SYT1: variants seen among roughly 807,000 people sequenced by gnomAD.
SYT1 encodes the protein synaptotagmin 1.
A neutral mutation model predicts 44.8 loss-of-function variants in SYT1; 8 were observed. The ratio of observed to expected loss-of-function variants is 0.18; its 90% confidence interval spans 0.10 to 0.32. The LOEUF (loss-of-function observed/expected upper bound fraction) is 0.32. Among genes scored for constraint, SYT1 ranks in the 10% least tolerant of loss-of-function variants. SYT1 has a pLI of 1.00. For missense variants in SYT1, 286 were observed against 509.3 expected (o/e 0.56, Z 4.22); for synonymous variants, 154 against 188.8 (o/e 0.82, Z 1.51).
chr12:78,995,305 C>T (rs1157659770), intron 2 of SYT1, among the ~76,000 whole-genome samples: 1 of 152,154 alleles, frequency 6.6e-6, no homozygotes, highest in Non-Finnish European at 1.5e-5. Flanking sequence ...TTTAGAAACC[C>T]ATTGTGGTGA....
At chr12:79,139,138 A>G (rs1470856316) in intron 3 of SYT1, among the ~76,000 whole-genome samples, 1 of 152,148 alleles carries the variant, frequency 6.6e-6, no homozygotes, top group Non-Finnish European at 1.5e-5. Context: ...CTGCGTCCTT[A>G]GTCGCAGGCC....
At chr12:79,267,206 C>G (rs535958058) in intron 4 of SYT1, among the ~76,000 whole-genome samples, 1 of 152,204 alleles carries the variant, frequency 6.6e-6, no homozygotes, top group South Asian at 2.1e-4. Flanking sequence ...TATATCTGCC[C>G]CTTTAGCTGA....
chr12:79,054,339 A>ATC (rs1874769176), intron 3 of SYT1, among the ~76,000 whole-genome samples: 1 of 152,034 alleles, frequency 6.6e-6, no homozygotes, highest in Non-Finnish European at 1.5e-5. Context: ...TGCATCATGC[A>ATC]TATTTGTCCT....
chr12:79,143,271 T>G (rs567927956), intron 3 of SYT1, among the ~76,000 whole-genome samples: 1 of 152,310 alleles, frequency 6.6e-6, no homozygotes, highest in East Asian at 1.9e-4. Context: ...TTAAATTACC[T>G]TTACAATTAT....
At chr12:79,327,302 A>G (rs1238707843) in intron 8 of SYT1, among the ~76,000 whole-genome samples, 2 of 152,188 alleles carry the variant, frequency 1.3e-5, no homozygotes, top group Admixed American at 1.3e-4. Context: ...ATTGTTTAGT[A>G]TCCACAGCAA....
intron 1 of SYT1, among the ~76,000 whole-genome samples, chr12:78,934,268 C>G (rs1877928782): frequency 6.6e-6 from 1 of 151,810 alleles, no homozygotes; most frequent in Non-Finnish European, 1.5e-5. Context: ...AAGGACAGGG[C>G]CAGGTGGAGA....
chr12:79,139,494 T>C (rs1157299382), intron 3 of SYT1, among the ~76,000 whole-genome samples: 1 of 152,218 alleles, frequency 6.6e-6, no homozygotes, highest in African/African-American at 2.4e-5. Flanking sequence ...CTTATAAATA[T>C]AAAGGAGTAT....
At chr12:79,137,789 T>C (rs553381531) in intron 3 of SYT1, among the ~76,000 whole-genome samples, 41 of 152,360 alleles carry the variant, frequency 2.7e-4, no homozygotes, top group Non-Finnish European at 4.9e-4. Flanking sequence ...ATTGGTATCA[T>C]GTTAACTCTT....
chr12:79,060,903 G>A (rs1875333256), intron 3 of SYT1, among the ~76,000 whole-genome samples: 1 of 151,852 alleles, frequency 6.6e-6, no homozygotes, highest in Non-Finnish European at 1.5e-5. Flanking sequence ...AAAAATAGAT[G>A]GGCTTAAGAT....
intron 3 of SYT1, among the ~76,000 whole-genome samples, chr12:79,107,821 T>G (rs186839292): frequency 6.6e-6 from 1 of 152,040 alleles, no homozygotes; most frequent in Admixed American, 6.5e-5. Flanking sequence ...AGAAAAAAGC[T>G]AAAACATACC....
chr12:79,310,147 T>C (rs1343061211), intron 8 of SYT1, among the ~76,000 whole-genome samples: 2 of 152,122 alleles, frequency 1.3e-5, no homozygotes, highest in Non-Finnish European at 2.9e-5. Context: ...TTTATGGTTT[T>C]AGGTCTAACG....
Position 79,110,155 on chromosome 12 carries a change from T to C in SYT1, c.-18+62793T>C, listed in dbSNP as rs1456384303. Among the ~76,000 whole-genome samples the C allele has an allele frequency of 4.9e-4, 74 of 152,190 alleles. 1 individual carries two copies. The highest frequency in any genetic ancestry group is 1.3e-4 in the Non-Finnish European group (9 of 68,008). The stretch of plus-strand genomic sequence containing the variant: ...TTCTCAAGAAGAGTAAACCTTACTT[T>C]AATTTATCTCCGAATAGAAGATTGA... On this transcript the variant is annotated intron_variant, in intron 3 of 10. Transcript: ENST00000261205.
chr12:79,088,821 CTG>C (rs1317811930), intron 3 of SYT1, among the ~76,000 whole-genome samples: 1 of 149,330 alleles, frequency 6.7e-6, no homozygotes, highest in Non-Finnish European at 1.5e-5. Flanking sequence ...TGGTCAAAAT[CTG>C]GATATATTTT....
chr12:79,344,808 A>T (rs1193397954), intron 8 of SYT1, among the ~76,000 whole-genome samples: 1 of 152,078 alleles, frequency 6.6e-6, no homozygotes, highest in Admixed American at 6.6e-5. Context: ...CCTTATTTTG[A>T]TCACATCAGA....
At chr12:79,413,728 CA>C (rs760200502) in intron 9 of SYT1, among the ~76,000 whole-genome samples, 2 of 152,110 alleles carry the variant, frequency 1.3e-5, no homozygotes, top group Non-Finnish European at 2.9e-5. Context: ...AAAGCTAAAT[CA>C]TAAATCAAGA....
chr12:79,375,647 T>G (rs1294402829), intron 9 of SYT1, among the ~76,000 whole-genome samples: 1 of 152,214 alleles, frequency 6.6e-6, no homozygotes, highest in African/African-American at 2.4e-5. Context: ...AAACCAAAGA[T>G]AATCCCTACC....
chr12:79,074,806 C>T (rs996670663), intron 3 of SYT1, among the ~76,000 whole-genome samples: 5 of 152,076 alleles, frequency 3.3e-5, no homozygotes, highest in Non-Finnish European at 7.4e-5. Context: ...GAATGTGATT[C>T]CAGATTTTAT....
chr12:79,130,240 G>C (rs1029641607), intron 3 of SYT1, among the ~76,000 whole-genome samples: 1 of 152,178 alleles, frequency 6.6e-6, no homozygotes, highest in Non-Finnish European at 1.5e-5. Context: ...ACACTTTTGA[G>C]AGAGGAGGTG....
chr12:79,345,051 C>G (rs1197668440), intron 8 of SYT1, among the ~76,000 whole-genome samples: 1 of 152,114 alleles, frequency 6.6e-6, no homozygotes, highest in Non-Finnish European at 1.5e-5. Flanking sequence ...CACTCATGCC[C>G]TCTTGTGGAC....
Sources: gnomAD v4.1 joint callset for allele counts (sites outside exome capture counted in the v4.1 genomes callset) on GRCh38, gnomAD v4.1.1 for gene constraint, MANE v1.5 for transcripts, NCBI Gene and HGNC (gene_info 2026-07-23, HGNC 2026-07-21) for gene names.